BST1: variants seen among roughly 807,000 people sequenced by gnomAD.
BST1 encodes bone marrow stromal cell antigen 1.
In BST1, 49 loss-of-function variants were observed where a neutral mutation model predicts 40.6. The observed-to-expected ratio is 1.21, with a 90% CI of 0.96 to 1.53. The LOEUF (loss-of-function observed/expected upper bound fraction) is 1.53, where lower values mean the gene tolerates loss of function less well. Among genes scored for constraint, BST1 ranks in the 40% most tolerant of loss-of-function variants. The probability of loss-of-function intolerance (pLI) is 0.00; values close to 1 mark genes in which losing one functional copy is unlikely to be tolerated. For missense variants in BST1, 423 were observed against 395.9 expected, an observed-to-expected ratio of 1.07 and a Z score of -0.58; for synonymous variants, 157 against 159.3, an observed-to-expected ratio of 0.99 and a Z score of 0.11.
chr4:15,715,162 T>A (rs1233202362), intron 4 of BST1, 123 bp from the exon 5 acceptor site: 1 of 890,924 alleles, frequency 1.1e-6, no homozygotes, highest in African/African-American at 1.7e-5. Flanking sequence ...CTAAGCCATA[T>A]GAAATGCCAC....
At chr4:15,703,778 ATG>A (rs1560274981) in intron 1 of BST1, among the ~76,000 whole-genome samples, 2 of 82,926 alleles carry the variant, frequency 2.4e-5, no homozygotes, top group African/African-American at 4.8e-5. Context: ...TAAAGGTGAG[ATG>A]TGTGTGTGTG....
downstream of BST1, among the ~76,000 whole-genome samples, chr4:15,736,359 C>G (rs755072450): frequency 6.6e-6 from 1 of 152,098 alleles, no homozygotes; most frequent in Non-Finnish European, 1.5e-5. Flanking sequence ...GTGGCTCCTG[C>G]CTATAATTCC....
At chr4:15,734,680 C>T (rs945684615), downstream of BST1, among the ~76,000 whole-genome samples, 7 of 151,338 alleles carry the variant, frequency 4.6e-5, no homozygotes, top group African/African-American at 1.2e-4. Context: ...TGGTGAGTTT[C>T]GGTTCCTTGA....
Position 15,711,768 on chromosome 4 carries a change from A to G in BST1, c.452-39A>G, listed in dbSNP as rs1376168204. The G allele has an allele frequency of 4.8e-6, 7 of 1,466,884 alleles. No individual in the cohort carries two copies. In the South Asian group the frequency reaches 5.7e-5, roughly 12 times the overall value. The allele number at this position is 1,466,884 out of a possible 1,614,324, so 90.9% of individuals were successfully genotyped here. A position where few individuals can be genotyped will look rare whatever the true frequency, so the allele number is the denominator to read the frequency against. On this transcript the variant is annotated intron_variant, in intron 3 of 8. Transcript: ENST00000265016. ...AGTTAATTCTTCTCTGAGATAGATAATCTTTGGAATAAAATGTGTTTGTCT... is the reference window on the plus strand; with the variant it reads ...AGTTAATTCTTCTCTGAGATAGATAGTCTTTGGAATAAAATGTGTTTGTCT...
chr4:15,732,942 T>C (rs941219598), downstream of BST1, among the ~76,000 whole-genome samples: 9 of 152,192 alleles, frequency 5.9e-5, no homozygotes, highest in Non-Finnish European at 1.0e-4. Flanking sequence ...CTGGAGTTTC[T>C]TCCTTCTGGT....
At chr4:15,761,428 T>C in the BST1 span, among the ~76,000 whole-genome samples, 3 of 151,982 alleles carry the variant, frequency 2.0e-5, no homozygotes, top group Non-Finnish European at 4.4e-5. Context: ...AAATTGTATG[T>C]GGCAATACAT....
At chr4:15,728,160 G>T (rs12646331) in intron 8 of BST1, among the ~76,000 whole-genome samples, 13,180 of 151,964 alleles carry the variant, frequency 0.087, 1,194 homozygotes, top group East Asian at 0.52. Flanking sequence ...TAGCTGGAAG[G>T]CTCTATCCTA....
At chr4:15,763,052 ATG>A in the BST1 span, among the ~76,000 whole-genome samples, 1 of 152,022 alleles carries the variant, frequency 6.6e-6, no homozygotes, top group Non-Finnish European at 1.5e-5. Flanking sequence ...TCAAAAAACC[ATG>A]CATTACACTA....
At chr4:15,718,136 C>T (rs375759213) in intron 6 of BST1, among the ~76,000 whole-genome samples, 8 of 151,994 alleles carry the variant, frequency 5.3e-5, no homozygotes, top group Non-Finnish European at 7.4e-5. Flanking sequence ...TAAATGGTAT[C>T]GAAATGAAAG....
chr4:15,756,134 CA>C, the BST1 span, among the ~76,000 whole-genome samples: 1 of 152,176 alleles, frequency 6.6e-6, no homozygotes, highest in Non-Finnish European at 1.5e-5. Flanking sequence ...CCACCATGAA[CA>C]ACAAAAACAA....
the BST1 span, among the ~76,000 whole-genome samples, chr4:15,750,734 T>G: frequency 2.0e-5 from 3 of 152,268 alleles, no homozygotes; most frequent in Admixed American, 6.5e-5. Flanking sequence ...TGATTACATG[T>G]AGAAATGATC....
chr4:15,743,385 G>T, the BST1 span: 1 of 305,442 alleles, frequency 3.3e-6, no homozygotes, highest in Non-Finnish European at 6.4e-6. Context: ...GTATGAAGCT[G>T]TAGGATATAT....
chr4:15,758,299 CCT>C, the BST1 span, among the ~76,000 whole-genome samples: 1 of 152,088 alleles, frequency 6.6e-6, no homozygotes, highest in East Asian at 1.9e-4. Context: ...CCCCTTCCGC[CCT>C]GTCTCCTCTA....
At chr4:15,767,503 C>T in the BST1 span, among the ~76,000 whole-genome samples, 1 of 152,012 alleles carries the variant, frequency 6.6e-6, no homozygotes, top group Non-Finnish European at 1.5e-5. Flanking sequence ...CAGGGTTTCA[C>T]CATGTTGGCC....
At chr4:15,718,290 C>G (rs1044273399) in intron 6 of BST1, among the ~76,000 whole-genome samples, 2 of 151,660 alleles carry the variant, frequency 1.3e-5, no homozygotes, top group East Asian at 1.9e-4. Flanking sequence ...CACACACACA[C>G]AGAGACAGGA....
chr4:15,723,535 A>G, intron 8 of BST1: 1 of 985,470 alleles, frequency 1.0e-6, no homozygotes, highest in Non-Finnish European at 1.2e-6. Flanking sequence ...GGCGTAAGCC[A>G]CCACGCCTGG....
At chr4:15,771,018 G>A in the BST1 span, among the ~76,000 whole-genome samples, 1 of 152,160 alleles carries the variant, frequency 6.6e-6, no homozygotes, top group Non-Finnish European at 1.5e-5. Flanking sequence ...GATTCCTCAA[G>A]GCTAGTTTAT....
chr4:15,703,308 G>A lies in BST1; in HGVS notation c.164G>A (p.Arg55His). The change falls in exon 1 of 9, where the codon CGC (arginine) becomes CAC (histidine). Residue 55 changes from arginine to histidine, a missense_variant. Transcript: ENST00000265016. ...TTCCTGGGCCGCTGCGCCGAGTACC[G>A]CGCACTGCTGAGTCCCGAGCAGCGG... ...DIFLGRCAEY[R>H]ALLSPEQRNK... is the part of the protein sequence containing the mutation. 1 of 1,526,156 alleles carries A rather than the reference G, an allele frequency of 6.6e-7. No homozygotes were observed. The highest frequency in any genetic ancestry group is 8.7e-7 in the Non-Finnish European group (1 of 1,143,532). 94.5% of individuals were successfully genotyped at this position (1,526,156 alleles called of 1,614,324 possible). A position where few individuals can be genotyped will look rare whatever the true frequency, so the allele number is the denominator to read the frequency against.
downstream of BST1, among the ~76,000 whole-genome samples, chr4:15,740,070 G>C (rs565354402): frequency 2.6e-5 from 4 of 152,166 alleles, no homozygotes; most frequent in South Asian, 2.1e-4. Context: ...TTGGGGGCAG[G>C]GGGGACTGAA....
Sources: allele counts gnomAD v4.1 joint callset (sites outside exome capture counted in the v4.1 genomes callset), GRCh38; gene constraint gnomAD v4.1.1; transcripts MANE v1.5; gene names NCBI Gene and HGNC (gene_info 2026-07-23, HGNC 2026-07-21).